The following CFAP61 variants were observed in gnomAD, a reference collection of about 807,000 sequenced individuals.
CFAP61 encodes the protein cilia- and flagella-associated protein 61.
Under a neutral mutation model 135.6 loss-of-function variants are expected in CFAP61, and 107 were observed. That is an observed-to-expected ratio of 0.79 (90% CI 0.67 to 0.93). The LOEUF (loss-of-function observed/expected upper bound fraction) is 0.93, where lower values mean the gene tolerates loss of function less well. CFAP61 is among the 40% of genes least tolerant of loss of function. The pLI is 0.00. For missense variants in CFAP61, 1,507 were observed against 1,556.2 expected, an observed-to-expected ratio of 0.97 and a Z score of 0.53; for synonymous variants, 575 against 578.5, an observed-to-expected ratio of 0.99 and a Z score of 0.09.
intron 2 of CFAP61, among the ~76,000 whole-genome samples, chr20:20,068,443 T>G (rs1420934280): frequency 1.3e-5 from 2 of 152,170 alleles, no homozygotes; most frequent in Non-Finnish European, 2.9e-5. Context: ...AAGAGCCCTG[T>G]GTGGATACTG....
At chr20:20,075,082 A>T in intron 4 of CFAP61, 107 bp from the exon 5 acceptor site, 1 of 1,039,060 alleles carries the variant, frequency 9.6e-7, no homozygotes, top group East Asian at 2.4e-5. Flanking sequence ...GCCCATGTGG[A>T]TTTAGGAACA....
intron 12 of CFAP61, among the ~76,000 whole-genome samples, chr20:20,168,698 C>A (rs1306038744): frequency 6.6e-6 from 1 of 152,144 alleles, no homozygotes; most frequent in African/African-American, 2.4e-5. Context: ...GTCTACTGTA[C>A]TGACAGGGCA....
intron 9 of CFAP61, among the ~76,000 whole-genome samples, chr20:20,149,674 G>T (rs763061312): frequency 2.0e-5 from 3 of 152,178 alleles, no homozygotes; most frequent in Non-Finnish European, 4.4e-5. Context: ...AGCAGCAGTA[G>T]GAAGAACCTT....
At chr20:20,289,129 G>A (rs942316914) in intron 23 of CFAP61, among the ~76,000 whole-genome samples, 193 bp downstream of exon 23, 2 of 152,054 alleles carry the variant, frequency 1.3e-5, no homozygotes, top group South Asian at 2.1e-4. Flanking sequence ...TTGTTATTAC[G>A]GTTCTTTGCA....
chr20:20,339,690 C>T (rs751149461), intron 25 of CFAP61, among the ~76,000 whole-genome samples: 2 of 151,914 alleles, frequency 1.3e-5, no homozygotes, highest in South Asian at 4.2e-4. Context: ...ACTGTGTTAT[C>T]CAGGCTGGTC....
At chr20:20,119,101 C>G (rs1313462297) in intron 8 of CFAP61, among the ~76,000 whole-genome samples, 1 of 152,014 alleles carries the variant, frequency 6.6e-6, no homozygotes, top group African/African-American at 2.4e-5. Flanking sequence ...CTGTTCTTAT[C>G]TGGTTTTGAT....
chr20:20,102,910 A>G (rs1015893811), intron 8 of CFAP61, among the ~76,000 whole-genome samples: 14 of 152,186 alleles, frequency 9.2e-5, no homozygotes, highest in Admixed American at 5.2e-4. Flanking sequence ...ATGAATCCAG[A>G]GGCCCTCCTT....
At chr20:20,257,096 A>G (rs957100834) in intron 20 of CFAP61, among the ~76,000 whole-genome samples, 15 of 152,322 alleles carry the variant, frequency 9.8e-5, no homozygotes, top group African/African-American at 3.4e-4. Context: ...TAAAAATAAA[A>G]CAGATATCAA....
intron 12 of CFAP61, among the ~76,000 whole-genome samples, chr20:20,168,028 GA>G (rs1483121616): frequency 6.6e-6 from 1 of 152,166 alleles, no homozygotes; most frequent in Non-Finnish European, 1.5e-5. Context: ...GGAAAAAAAA[GA>G]AAAAGGAACA....
chr20:20,145,541 T>C (rs2424276), intron 9 of CFAP61, among the ~76,000 whole-genome samples: 136,994 of 151,950 alleles, frequency 0.9, 62,569 homozygotes, highest in Middle Eastern at 0.99. Context: ...TTACATTAAA[T>C]GTAAACGTTC....
At chr20:20,221,384 G>T (rs2048389381) in intron 17 of CFAP61, 1 of 152,036 alleles carries the variant, frequency 6.6e-6, no homozygotes, top group Admixed American at 6.5e-5. Context: ...TACTTGTTTG[G>T]GGGCTATTAT....
At chr20:20,069,424 C>T (rs758579142) in intron 2 of CFAP61, among the ~76,000 whole-genome samples, 2 of 152,108 alleles carry the variant, frequency 1.3e-5, no homozygotes, top group African/African-American at 2.4e-5. Flanking sequence ...GGATTACAGG[C>T]ATGTACCACC....
In CFAP61 at chr20:20,360,380, G is replaced by A; in HGVS notation, c.3684G>A (p.Leu1228=). 6.2e-7 allele frequency: 1 copy of A among 1,613,912 alleles called. No homozygotes were observed. Among genetic ancestry groups the A allele is most frequent in the Non-Finnish European group, 8.5e-7 (1 of 1,180,024 alleles). ...ACCTGCACTATAACCGCTACCACCTGCCCATGTACGCGTGGCCAGGCATCG... is the reference window on the plus strand; with the variant it reads ...ACCTGCACTATAACCGCTACCACCTACCCATGTACGCGTGGCCAGGCATCG... ...LDYLHYNRYH[L]PMYAWPGIV The change falls in exon 27 of 27, where the codon CTG becomes CTA. Residue 1228 remains leucine (L), a synonymous_variant. Transcript: ENST00000245957.
Position 20,220,566 on chromosome 20 carries a change from C to T in CFAP61, c.1933-7683C>T, listed in dbSNP as rs552233455. On this transcript the variant is annotated intron_variant, in intron 17 of 26. Transcript: ENST00000245957. ...CCTTGTGGGACTAAGCCTAGGTAGA[C>T]AGTGTCAGAATGGAATTGAATCATA... Among the ~76,000 whole-genome samples, 12 of 152,192 alleles carry T rather than the reference C, an allele frequency of 7.9e-5. No homozygotes were observed. In the South Asian group the frequency reaches 2.5e-3, roughly 32 times the overall value.
At position 20,341,914 on chromosome 20, in the gene CFAP61, C is replaced by A. The variant is rs1569316300; in HGVS notation, c.3506C>A (p.Ser1169Tyr). Residue 1169 changes from serine to tyrosine, a missense_variant, in exon 26 of 27, where the codon TCC (serine) becomes TAC (tyrosine). Physicochemically the swap from Ser to Tyr is moderately radical, Grantham distance 144. Coordinates refer to ENST00000245957, the MANE Select transcript of CFAP61 (RefSeq NM_015585.4). ...LRKELRQILA[S>Y]KEEEDLPSIE... ...AAAGAGTTACGCCAAATCTTAGCCT[C>A]CAAGGAGGTAAGAGTGATTAATGGA... The A allele has an allele frequency of 6.2e-7, 1 of 1,610,582 alleles. No homozygotes were observed. The highest frequency in any genetic ancestry group is 8.5e-7 in the Non-Finnish European group (1 of 1,177,474).
In CFAP61 at chr20:20,070,019, A is replaced by C. The variant is rs73901392; in HGVS notation, c.144-835A>C. 2.1e-3 allele frequency: 578 copies of C among 280,124 alleles called. 4 individuals carry two copies. Among genetic ancestry groups the C allele is most frequent in the African/African-American group, 0.012 (539 of 45,618 alleles). The allele number at this position is 280,124 out of a possible 1,614,324, so 17.4% of individuals were successfully genotyped here. ...AAAAAATGCATTTAAATTTATGCAC[A>C]AATGGTTCTTGGGGTGGTAAACTAT... On this transcript the variant is annotated intron_variant, in intron 2 of 26. Transcript: ENST00000245957.
At chr20:20,247,668 G>A (rs1242074679) in intron 19 of CFAP61, among the ~76,000 whole-genome samples, 2 of 152,196 alleles carry the variant, frequency 1.3e-5, no homozygotes, top group Non-Finnish European at 2.9e-5. Flanking sequence ...AGAACGTGCT[G>A]TGATGCTCCA....
chr20:20,125,886 G>A (rs1568958431), intron 8 of CFAP61, among the ~76,000 whole-genome samples: 1 of 151,684 alleles, frequency 6.6e-6, no homozygotes, highest in Non-Finnish European at 1.5e-5. Context: ...TAGTAAATTT[G>A]GGACCTCCAG....
chr20:20,129,087 T>C lies in CFAP61; in HGVS notation c.860-13770T>C, dbSNP rs562818591. ...TTGGACTTCATACTAGAGTTATGAA[T>C]AGATTGCACTCCCCAAGGACAGTAT... is the stretch of plus-strand genomic sequence containing the variant. On this transcript the variant is annotated intron_variant, in intron 8 of 26. Transcript: ENST00000245957. Among the ~76,000 whole-genome samples the C allele has an allele frequency of 1.1e-4, 17 of 151,822 alleles. 1 individual carries two copies. Among genetic ancestry groups the C allele is most frequent in the African/African-American group, 3.9e-4 (16 of 41,158 alleles).
Sources: gnomAD v4.1 joint callset for allele counts (sites outside exome capture counted in the v4.1 genomes callset) on GRCh38, gnomAD v4.1.1 for gene constraint, MANE v1.5 for transcripts, NCBI Gene and HGNC (gene_info 2026-07-23, HGNC 2026-07-21) for gene names.